The following LONP2 variants were observed in gnomAD, a reference collection of about 807,000 sequenced individuals.
LONP2 encodes the protein lon protease homolog 2, peroxisomal.
A neutral mutation model predicts 85.6 loss-of-function variants in LONP2; 60 were observed. The observed-to-expected ratio is 0.70, with a 90% CI of 0.57 to 0.87. The LOEUF (loss-of-function observed/expected upper bound fraction) is 0.87, where lower values mean the gene tolerates loss of function less well. Ranked by LOEUF, LONP2 falls within the 40% of genes least tolerant of loss-of-function variation. The pLI is 0.00. For missense variants in LONP2, 860 were observed against 1,063.5 expected (o/e 0.81, Z 2.66); for synonymous variants, 395 against 389.7 (o/e 1.01, Z -0.16).
chr16:48,259,010 CAAAT>C (rs1165072645), intron 4 of LONP2, among the ~76,000 whole-genome samples: 2 of 152,104 alleles, frequency 1.3e-5, no homozygotes, highest in African/African-American at 4.8e-5. Context: ...TAAACACTAA[CAAAT>C]AACTATGATG....
chr16:48,339,838 G>C (rs1959765529), intron 12 of LONP2, among the ~76,000 whole-genome samples: 1 of 152,210 alleles, frequency 6.6e-6, no homozygotes, highest in South Asian at 2.1e-4. Context: ...AGTTAGGGCA[G>C]AGCTGCTGTA....
chr16:48,337,236 C>G (rs1020229225), intron 12 of LONP2, among the ~76,000 whole-genome samples: 6 of 152,200 alleles, frequency 3.9e-5, no homozygotes, highest in African/African-American at 1.4e-4. Flanking sequence ...AAAATAATTC[C>G]TGCCCTTGTC....
rs1356593381 is a variant in LONP2 at position 48,347,556 on chromosome 16, C to T, written c.1988C>T (p.Thr663Ile). The change falls in exon 13 of 15, where the codon ACT (threonine) becomes ATT (isoleucine). Residue 663 changes from threonine to isoleucine, a missense_variant. Thr to Ile is a moderately conservative substitution (Grantham distance 89). Coordinates refer to ENST00000285737, the MANE Select transcript of LONP2 (RefSeq NM_031490.5). ...QPGVAIGLAW[T>I]PLGGEIMFVE... Reference sequence around the variant, plus strand: ...GGAGTAGCAATAGGTTTGGCTTGGACTCCCTTAGGTGGAGAAATCATGTTC... The same window carrying T: ...GGAGTAGCAATAGGTTTGGCTTGGATTCCCTTAGGTGGAGAAATCATGTTC... 1 of 1,614,242 alleles carries T rather than the reference C, an allele frequency of 6.2e-7. No individual in the cohort carries two copies. The highest frequency in any genetic ancestry group is 8.5e-7 in the Non-Finnish European group (1 of 1,180,038).
chr16:48,276,126 C>T (rs1172432499), intron 7 of LONP2, among the ~76,000 whole-genome samples: 1 of 152,162 alleles, frequency 6.6e-6, no homozygotes, highest in African/African-American at 2.4e-5. Context: ...AATTCTGAGT[C>T]TCGTCTTTCC....
intron 11 of LONP2, among the ~76,000 whole-genome samples, chr16:48,306,680 A>G (rs938662467): frequency 6.6e-6 from 1 of 152,210 alleles, no homozygotes; most frequent in African/African-American, 2.4e-5. Flanking sequence ...AGACCTTAGT[A>G]GAATGATTAT....
chr16:48,250,083 T>A (rs1421364049), intron 1 of LONP2, among the ~76,000 whole-genome samples: 1 of 151,412 alleles, frequency 6.6e-6, no homozygotes, highest in African/African-American at 2.4e-5. Context: ...TCCCAGCTAG[T>A]TGGGAGGCTG....
At chr16:48,296,210 C>T (rs1216792932) in intron 9 of LONP2, 45 bp downstream of exon 9, 4 of 1,587,412 alleles carry the variant, frequency 2.5e-6, no homozygotes, top group East Asian at 2.2e-5. Flanking sequence ...CCTTTCTGAC[C>T]ATAACTTTAA....
rs767822659 is a variant in LONP2, at chr16:48,244,365, C to T, written c.-24C>T. The T allele has an allele frequency of 1.3e-6, 2 of 1,496,250 alleles. No individual in the cohort carries two copies. Among genetic ancestry groups the T allele is most frequent in the Non-Finnish European group, 1.8e-6 (2 of 1,119,168 alleles). The allele number at this position is 1,496,250 out of a possible 1,614,324, so 92.7% of individuals were successfully genotyped here. On this transcript the variant is annotated 5_prime_UTR_variant, in exon 1 of 15. Transcript: ENST00000285737. ...CTGTCTGTCTGGCTCTTTTTGACAG[C>T]CCCCAGTGCGAAAGGCTGCCAGCAT...
At chr16:48,347,466 G>A (rs770581350) in intron 12 of LONP2, 41 bp from the exon 13 acceptor site, 4 of 1,604,146 alleles carry the variant, frequency 2.5e-6, no homozygotes, top group Non-Finnish European at 2.6e-6. Flanking sequence ...GTCACCTTTA[G>A]CATTTGCCAA....
At chr16:48,313,022 A>G (rs1285032940) in intron 11 of LONP2, among the ~76,000 whole-genome samples, 1 of 152,182 alleles carries the variant, frequency 6.6e-6, no homozygotes, top group African/African-American at 2.4e-5. Context: ...AGGCTGCCTC[A>G]TACATTGTTT....
rs566403165 is a variant in LONP2 at position 48,285,894 on chromosome 16, T to C, written c.1383+8415T>C. On this transcript the variant is annotated intron_variant, in intron 8 of 14. Transcript: ENST00000285737. ...TTGTGCAGCCAATCTCCAGAACTTT[T>C]TCATCTTGTTAAAGTGAAGGTGTAT... Among the ~76,000 whole-genome samples, 32 of 152,272 alleles carry C rather than the reference T, an allele frequency of 2.1e-4. 2 individuals carry two copies. The South Asian group carries it at 6.2e-3, about 30-fold the overall frequency.
At position 48,310,950 on chromosome 16, in the gene LONP2, A is replaced by T. The variant is rs141191324; in HGVS notation, c.1795+7645A>T. ...TAGCAGGATACAAAATTCGAGTTTG[A>T]CCATTTTCTTTAAGCACTTTGAAAA... On this transcript the variant is annotated intron_variant, in intron 11 of 14. Coordinates refer to ENST00000285737, the MANE Select transcript of LONP2 (RefSeq NM_031490.5). Among the ~76,000 whole-genome samples, 218 of 152,240 alleles carry T rather than the reference A, an allele frequency of 1.4e-3. 1 individual carries two copies. Among genetic ancestry groups the T allele is most frequent in the Middle Eastern group, 3.4e-3 (1 of 292 alleles).
rs1383566582 is a variant in LONP2 at position 48,316,809 on chromosome 16, CT to C, written c.1795+13511del. Among the ~76,000 whole-genome samples, 7 of 152,178 alleles carry C rather than the reference CT, an allele frequency of 4.6e-5. 1 individual carries two copies. The South Asian group carries it at 8.3e-4, about 18-fold the overall frequency. On this transcript the variant is annotated intron_variant, in intron 11 of 14. Transcript: ENST00000285737. ...TTGGTGTTTGTTTTGTTTGTATTAC[CT>C]TTTTTTCCCCCTTGATTTCTAGTTT...
At chr16:48,305,075 C>T (rs543441939) in intron 11 of LONP2, among the ~76,000 whole-genome samples, 1 of 152,302 alleles carries the variant, frequency 6.6e-6, no homozygotes, top group East Asian at 1.9e-4. Flanking sequence ...TACAGTGCTT[C>T]ACCCCTGCCT....
Position 48,298,420 on chromosome 16 carries a change from TATAC to T in LONP2, c.1535-1234_1535-1231del, listed in dbSNP as rs1292721294. On this transcript the variant is annotated intron_variant, in intron 9 of 14. Coordinates refer to ENST00000285737, the MANE Select transcript of LONP2 (RefSeq NM_031490.5). Reference sequence around the variant, plus strand: ...ATACTATATATAGAAAAAATACATATATACATACATAAATACATATGCACACATA... The same window carrying T: ...ATACTATATATAGAAAAAATACATATATACATAAATACATATGCACACATA... Among the ~76,000 whole-genome samples the T allele has an allele frequency of 5.9e-5, 9 of 152,174 alleles. 1 individual carries two copies. In the South Asian group the frequency reaches 1.0e-3, roughly 18 times the overall value.
intron 5 of LONP2, among the ~76,000 whole-genome samples, chr16:48,262,049 G>A (rs1971890256): frequency 6.6e-6 from 1 of 152,124 alleles, no homozygotes; most frequent in African/African-American, 2.4e-5. Flanking sequence ...GAGCCTGCTT[G>A]AATGCTTAGT....
chr16:48,249,857 A>G (rs1005442153), intron 1 of LONP2, among the ~76,000 whole-genome samples: 1 of 152,128 alleles, frequency 6.6e-6, no homozygotes, highest in African/African-American at 2.4e-5. Flanking sequence ...AGTTTGGAAC[A>G]TCTTCCTTTC....
chr16:48,345,917 T>C (rs996002994), intron 12 of LONP2: 1 of 151,870 alleles, frequency 6.6e-6, no homozygotes, highest in Non-Finnish European at 1.5e-5. Flanking sequence ...TGGTGATACA[T>C]GCCTGTAATC....
chr16:48,346,719 G>A (rs1274912810), intron 12 of LONP2, among the ~76,000 whole-genome samples: 1 of 151,990 alleles, frequency 6.6e-6, no homozygotes, highest in Non-Finnish European at 1.5e-5. Flanking sequence ...CTCCCAAAGT[G>A]CTAGGATTAC....
Sources: gnomAD v4.1 joint callset for allele counts (sites outside exome capture counted in the v4.1 genomes callset) on GRCh38, gnomAD v4.1.1 for gene constraint, MANE v1.5 for transcripts, NCBI Gene and HGNC (gene_info 2026-07-23, HGNC 2026-07-21) for gene names.